Variants in NDUFA10 observed in about 807,000 individuals in gnomAD.
NDUFA10 encodes NADH dehydrogenase [ubiquinone] 1 alpha subcomplex subunit 10, mitochondrial.
Under a neutral mutation model 47.8 loss-of-function variants are expected in NDUFA10, and 40 were observed. The ratio of observed to expected loss-of-function variants is 0.84; its 90% CI spans 0.65 to 1.09. The LOEUF is 1.09. Among genes scored for constraint, NDUFA10 ranks in the 50% least tolerant of loss-of-function variants. The pLI is 0.00. For missense variants in NDUFA10, 413 were observed against 451.1 expected, an observed-to-expected ratio of 0.92 and a Z score of 0.76; for synonymous variants, 183 against 172.2, an observed-to-expected ratio of 1.06 and a Z score of -0.49.
chr2:240,021,422 GA>G lies in NDUFA10; in HGVS notation c.245-11del. On this transcript the variant is annotated splice_polypyrimidine_tract_variant and intron_variant, in intron 2 of 9. Transcript: ENST00000252711. ...GGAAAGTGCTTGAAGCCTGAAAAGA[GA>G]AACAGTCGGATGCAGTCTGATGCAC... The G allele has an allele frequency of 6.2e-7, 1 of 1,612,020 alleles. No individual in the cohort carries two copies. Among genetic ancestry groups the G allele is most frequent in the Non-Finnish European group, 8.5e-7 (1 of 1,178,530 alleles).
chr2:239,966,182 G>C (rs1188412365), intron 9 of NDUFA10, among the ~76,000 whole-genome samples: 1 of 152,180 alleles, frequency 6.6e-6, no homozygotes, highest in Non-Finnish European at 1.5e-5. Context: ...TTTAGACAGT[G>C]CACTGGGAGG....
downstream of NDUFA10, among the ~76,000 whole-genome samples, chr2:239,953,637 G>A (rs1694600255): frequency 6.6e-6 from 1 of 152,168 alleles, no homozygotes; most frequent in African/African-American, 2.4e-5. Flanking sequence ...CCCCACCTTA[G>A]TTCCACTCCC....
At chr2:239,931,003 G>A (rs1226094246) in intron 4 of NDUFA10, among the ~76,000 whole-genome samples, 1 of 152,128 alleles carries the variant, frequency 6.6e-6, no homozygotes, top group South Asian at 2.1e-4. Context: ...TCAGGGGGCA[G>A]TAGGGCCCTG....
chr2:239,899,361 AGTGTGATGGAGGG>A (rs1401976307), intron 4 of NDUFA10, among the ~76,000 whole-genome samples: 3 of 21,842 alleles, frequency 1.4e-4, no homozygotes, highest in African/African-American at 2.1e-4. Context: ...GTGATGGAGG[AGTGTGATGGAGGG>A]GTGTGGAGGG....
intron 4 of NDUFA10, among the ~76,000 whole-genome samples, chr2:239,943,978 T>C (rs1269605717): frequency 2.0e-5 from 3 of 152,202 alleles, no homozygotes; most frequent in Non-Finnish European, 4.4e-5. Context: ...TGTCCCGAGA[T>C]GTCCCCAGAC....
chr2:239,955,647 C>G (rs1227031499), downstream of NDUFA10, among the ~76,000 whole-genome samples: 1 of 152,176 alleles, frequency 6.6e-6, no homozygotes, highest in East Asian at 1.9e-4. Flanking sequence ...GTGTGGGTTG[C>G]TGTTGGCTGA....
Position 240,005,266 on chromosome 2 carries a change from G to A in NDUFA10, c.834C>T (p.Phe278=), listed in dbSNP as rs779305936. 4.1e-5 allele frequency: 66 copies of A among 1,613,864 alleles called. 1 individual carries two copies. In the South Asian group the frequency reaches 4.4e-4, roughly 11 times the overall value. ...KVVEDIEYLK[F]DKGPWLKQDN... is the part of the protein sequence containing the mutation. Reference sequence around the variant, plus strand: ...CCTGCTTGAGCCACGGCCCTTTATCGAACTTCAGGTATTCAATGTCCTCTA... The same window carrying A: ...CCTGCTTGAGCCACGGCCCTTTATCAAACTTCAGGTATTCAATGTCCTCTA... Residue 278 remains phenylalanine (F), a synonymous_variant, in exon 8 of 10, where the codon TTC becomes TTT. Coordinates refer to ENST00000252711, the MANE Select transcript of NDUFA10 (RefSeq NM_004544.4).
rs1451760780 is a variant in NDUFA10 at position 239,987,593 on chromosome 2, A to G, written c.999+2481T>C. On this transcript the variant is annotated intron_variant, in intron 9 of 9. Coordinates refer to ENST00000252711, the MANE Select transcript of NDUFA10 (RefSeq NM_004544.4). This position sits in a 1 kb window ranked among gnomAD's most constrained non-coding sequence, Gnocchi z 4.8. ...AACTACCCAAACTAAAAAAAAACAA[A>G]TAGGTAAAAATGATGATCAAATAAA... is the stretch of plus-strand genomic sequence containing the variant. Among the ~76,000 whole-genome samples, 1 of 152,238 alleles carries G rather than the reference A, an allele frequency of 6.6e-6. No homozygotes were observed. The highest frequency in any genetic ancestry group is 1.5e-5 in the Non-Finnish European group (1 of 68,042).
At chr2:239,964,603 G>A (rs1039461335) in intron 9 of NDUFA10, among the ~76,000 whole-genome samples, 45 of 152,286 alleles carry the variant, frequency 3.0e-4, no homozygotes, top group Middle Eastern at 3.4e-3. Context: ...GGAACAGGTC[G>A]AGGATGCAGG....
At chr2:239,986,647 C>T (rs1015393580) in intron 9 of NDUFA10, among the ~76,000 whole-genome samples, 1 of 152,164 alleles carries the variant, frequency 6.6e-6, no homozygotes, top group African/African-American at 2.4e-5. Flanking sequence ...CTACTTGCTT[C>T]TAGTAGGACA....
Position 240,025,293 on chromosome 2 carries a change from C to A in NDUFA10, c.9G>T (p.Leu3Phe), listed in dbSNP as rs1303341001. 1 of 1,506,654 alleles carries A rather than the reference C, an allele frequency of 6.6e-7. No homozygotes were observed. Among genetic ancestry groups the A allele is most frequent in the Non-Finnish European group, 8.8e-7 (1 of 1,131,332 alleles). 93.3% of individuals were successfully genotyped at this position (1,506,654 alleles called of 1,614,324 possible). The change falls in exon 1 of 10, where the codon TTG becomes TTT. Residue 3 changes from leucine to phenylalanine, a missense_variant. By Grantham distance (22) the Leu-to-Phe change is conservative. Coordinates refer to ENST00000252711, the MANE Select transcript of NDUFA10 (RefSeq NM_004544.4). The part of the protein sequence containing the change: MA[L>F]RLLKLAATSA... ...ACGTCGCTGCCAGCTTCAGGAGCCG[C>A]AAGGCCATGGCTACCCGGTCAGCTC...
At position 239,983,659 on chromosome 2, in the gene NDUFA10, T is replaced by C. The variant is rs763137889; in HGVS notation, c.999+6415A>G. On this transcript the variant is annotated intron_variant, in intron 9 of 9. Transcript: ENST00000252711. The stretch of plus-strand genomic sequence containing the variant: ...GGTGCCAGGCTGCACTGACAGCAAG[T>C]GCCCCTGATGCTTCACCTCTGTGGA... The C allele has an allele frequency of 6.3e-6, 10 of 1,579,026 alleles. No individual in the cohort carries two copies. In the South Asian group the frequency reaches 1.2e-4, roughly 18 times the overall value.
intron 9 of NDUFA10, among the ~76,000 whole-genome samples, chr2:239,971,459 A>T (rs1346972246): frequency 2.6e-5 from 4 of 152,192 alleles, no homozygotes; most frequent in Admixed American, 6.5e-5. Flanking sequence ...TCCTTCTCAG[A>T]GCTCCCTTCA....
intron 4 of NDUFA10, among the ~76,000 whole-genome samples, chr2:239,905,812 A>AGGGG (rs1693642906): frequency 1.1e-5 from 1 of 95,190 alleles, no homozygotes; most frequent in Non-Finnish European, 2.1e-5. Context: ...AGGGGAGGGG[A>AGGGG]AGGGAGGGGA....
intron 4 of NDUFA10, among the ~76,000 whole-genome samples, chr2:239,899,603 G>A: frequency 6.6e-6 from 1 of 151,998 alleles, no homozygotes. Flanking sequence ...TTTTATTCTA[G>A]GCAAAACAAG....
At chr2:239,947,202 T>G (rs1221125387) in intron 4 of NDUFA10, among the ~76,000 whole-genome samples, 4 of 152,206 alleles carry the variant, frequency 2.6e-5, no homozygotes, top group Non-Finnish European at 4.4e-5. Flanking sequence ...TCACACTGCT[T>G]AGACCAAGGC....
chr2:240,001,359 A>G (rs1696709171), intron 8 of NDUFA10, among the ~76,000 whole-genome samples: 1 of 152,252 alleles, frequency 6.6e-6, no homozygotes, highest in African/African-American at 2.4e-5. Flanking sequence ...ATAATATACC[A>G]TAAACAGTAT....
rs148189296 is a variant in NDUFA10, at chr2:239,978,023, C to T, written c.999+12051G>A. Reference sequence around the variant, plus strand: ...AACAAACAGTGATCTGGCCTGGCCACGCCTGCTTGGTGAACTGGGATCTCT... The same window carrying T: ...AACAAACAGTGATCTGGCCTGGCCATGCCTGCTTGGTGAACTGGGATCTCT... On this transcript the variant is annotated intron_variant, in intron 9 of 9. Transcript: ENST00000252711. 4.1e-4 allele frequency among the ~76,000 whole-genome samples: 62 copies of T among 152,246 alleles called. No individual in the cohort carries two copies. In the East Asian group the frequency reaches 0.011, roughly 28 times the overall value.
chr2:240,020,842 A>G (rs914474375), intron 3 of NDUFA10, among the ~76,000 whole-genome samples: 4 of 152,222 alleles, frequency 2.6e-5, no homozygotes, highest in African/African-American at 4.8e-5. Flanking sequence ...GCACATGCAC[A>G]GTCTTCATAA....
Sources: gnomAD v4.1 joint callset for allele counts (sites outside exome capture counted in the v4.1 genomes callset) on GRCh38, gnomAD v4.1.1 for gene constraint, Gnocchi (gnomAD v3.1) non-coding constraint, MANE v1.5 for transcripts, NCBI Gene and HGNC (gene_info 2026-07-23, HGNC 2026-07-21) for gene names.